UNC79: variants seen among roughly 807,000 people sequenced by gnomAD.
UNC79 encodes protein unc-79 homolog.
Under a neutral mutation model 283.1 loss-of-function variants are expected in UNC79, and 37 were observed. That is an observed-to-expected ratio of 0.13 (90% CI 0.10 to 0.17). The LOEUF (loss-of-function observed/expected upper bound fraction) is 0.17, where lower values mean the gene tolerates loss of function less well. Among genes scored for constraint, UNC79 ranks in the 10% least tolerant of loss-of-function variants. UNC79 has a pLI of 1.00. For missense variants in UNC79, 2,272 were observed against 3,211.1 expected (o/e 0.71, Z 7.07); for synonymous variants, 1,107 against 1,200.2 (o/e 0.92, Z 1.61).
chr14:93,348,158 A>G (rs769596880), intron 1 of UNC79: 1 of 1,290,136 alleles, frequency 7.8e-7, no homozygotes, highest in Non-Finnish European at 1.1e-6. Context: ...ACGTCCAAAA[A>G]ACTTTCAGAA....
chr14:93,345,673 A>G (rs1262903637), intron 1 of UNC79, among the ~76,000 whole-genome samples: 1 of 152,164 alleles, frequency 6.6e-6, no homozygotes, highest in East Asian at 1.9e-4. Context: ...AGGTTGAAAG[A>G]CAGAGGTGAC....
At chr14:93,398,164 T>C (rs1333103231) in intron 1 of UNC79, among the ~76,000 whole-genome samples, 2 of 152,140 alleles carry the variant, frequency 1.3e-5, no homozygotes, top group African/African-American at 4.8e-5. Context: ...CTGTTCTGTT[T>C]TACAAGATAT....
chr14:93,598,823 C>G (rs2065281611), intron 24 of UNC79, among the ~76,000 whole-genome samples: 1 of 152,158 alleles, frequency 6.6e-6, no homozygotes, highest in Admixed American at 6.5e-5. Context: ...CTGCGCCTGG[C>G]CTGAATTATA....
intron 3 of UNC79, among the ~76,000 whole-genome samples, chr14:93,476,173 T>C (rs2057787599): frequency 6.6e-6 from 1 of 152,036 alleles, no homozygotes; most frequent in African/African-American, 2.4e-5. Context: ...GCATAGACTT[T>C]GAGAGCCGCT....
intron 19 of UNC79, among the ~76,000 whole-genome samples, chr14:93,581,330 G>A (rs191802247): frequency 2.2e-4 from 34 of 151,402 alleles, no homozygotes; most frequent in Non-Finnish European, 4.0e-4. Context: ...ATGCCACCAT[G>A]CCTGGATAAT....
At chr14:93,418,020 G>A (rs986523993) in intron 1 of UNC79, among the ~76,000 whole-genome samples, 2 of 151,938 alleles carry the variant, frequency 1.3e-5, no homozygotes, top group East Asian at 1.9e-4. Context: ...CTCTCAACTC[G>A]TCAAAGTCAT....
upstream of UNC79, among the ~76,000 whole-genome samples, chr14:93,426,149 ATTATC>A (rs531566122): frequency 2.7e-3 from 411 of 152,120 alleles, 1 homozygote; most frequent in Non-Finnish European, 4.9e-3. Context: ...ATGTTAGTTT[ATTATC>A]TTCTGATATC....
chr14:93,553,205 G>A (rs1156911375), intron 14 of UNC79, among the ~76,000 whole-genome samples: 1 of 152,278 alleles, frequency 6.6e-6, no homozygotes, highest in African/African-American at 2.4e-5. Context: ...TTGCTTATAG[G>A]TTGTAGTTTA....
chr14:93,526,892 C>T (rs2060573609), intron 8 of UNC79, among the ~76,000 whole-genome samples: 1 of 152,116 alleles, frequency 6.6e-6, no homozygotes, highest in African/African-American at 2.4e-5. Flanking sequence ...GTAAGAGGAG[C>T]TCCACATGGG....
At chr14:93,693,203 C>T (rs865927379) in intron 46 of UNC79, among the ~76,000 whole-genome samples, 3 of 152,074 alleles carry the variant, frequency 2.0e-5, no homozygotes, top group African/African-American at 7.2e-5. Flanking sequence ...AAAATCTTAG[C>T]GTTTGAATAG....
rs1252673738 is a variant in UNC79, at chr14:93,357,806, T to TATATAC, written c.-351+24283_-351+24284insATATAC. On this transcript the variant is annotated intron_variant, in intron 1 of 49. Coordinates refer to the UNC79 transcript ENST00000256339. ...ATATGGATATATATATATGGATATA[T>TATATAC]GGATATATATATATGGATATATGGA... Among the ~76,000 whole-genome samples the TATATAC allele has an allele frequency of 2.4e-3, 298 of 123,996 alleles. 4 individuals are homozygous for TATATAC. The highest frequency in any genetic ancestry group is 5.4e-3 in the South Asian group (21 of 3,880). 81.3% of individuals were successfully genotyped at this position (123,996 alleles called of 152,430 possible).
chr14:93,388,219 C>G (rs2054816915), intron 1 of UNC79, among the ~76,000 whole-genome samples: 1 of 152,098 alleles, frequency 6.6e-6, no homozygotes, highest in Admixed American at 6.5e-5. Context: ...TCAAGCGATC[C>G]TTCTGGCTAA....
chr14:93,533,925 G>T (rs1301965233), intron 11 of UNC79, among the ~76,000 whole-genome samples: 1 of 152,178 alleles, frequency 6.6e-6, no homozygotes, highest in Non-Finnish European at 1.5e-5. Flanking sequence ...CAGGCTTAAA[G>T]TCTAGTATCT....
intron 1 of UNC79, among the ~76,000 whole-genome samples, chr14:93,402,994 A>C (rs2055142893): frequency 1.3e-5 from 2 of 152,174 alleles, no homozygotes; most frequent in African/African-American, 2.4e-5. Flanking sequence ...TAAGATGTAC[A>C]TTGGTTCTGT....
chr14:93,481,809 T>G (rs548100053), intron 4 of UNC79, among the ~76,000 whole-genome samples: 2 of 152,312 alleles, frequency 1.3e-5, no homozygotes, highest in Non-Finnish European at 2.9e-5. Context: ...ATATATGCAG[T>G]CTGTTTTATT....
chr14:93,416,243 A>T (rs2055453973), intron 1 of UNC79, among the ~76,000 whole-genome samples: 1 of 146,420 alleles, frequency 6.8e-6, no homozygotes, highest in Non-Finnish European at 1.5e-5. Flanking sequence ...TTGGTTTCAA[A>T]GAACATCTTT....
intron 32 of UNC79, among the ~76,000 whole-genome samples, chr14:93,640,893 C>T (rs555985656): frequency 6.6e-6 from 1 of 152,120 alleles, no homozygotes; most frequent in South Asian, 2.1e-4. Flanking sequence ...CACCTGAGCT[C>T]TTTCTGATTT....
rs556572521 is a variant in UNC79, at chr14:93,561,246, A to G, written c.1756-10648A>G. On this transcript the variant is annotated intron_variant, in intron 14 of 48. Transcript: ENST00000555664. ...GTGGGTCTTTGCTGAGAGATACATA[A>G]AGGAGCAGCCACAGGAAAAGTAGTT... Among the ~76,000 whole-genome samples, 282 of 152,284 alleles carry G rather than the reference A, an allele frequency of 1.9e-3. 2 individuals are homozygous for G. Among genetic ancestry groups the G allele is most frequent in the African/African-American group, 6.4e-3 (267 of 41,548 alleles).
At chr14:93,683,365 G>A (rs1008152256) in intron 42 of UNC79, among the ~76,000 whole-genome samples, 1 of 152,142 alleles carries the variant, frequency 6.6e-6, no homozygotes, top group African/African-American at 2.4e-5. Context: ...AAGAGAATAT[G>A]GCCCATGGGG....
Sources: allele counts gnomAD v4.1 joint callset (sites outside exome capture counted in the v4.1 genomes callset), GRCh38; gene constraint gnomAD v4.1.1; transcripts MANE v1.5; gene names NCBI Gene and HGNC (gene_info 2026-07-23, HGNC 2026-07-21).